The following NYAP2 variants were observed in gnomAD, a reference collection of about 807,000 sequenced individuals.
NYAP2 encodes neuronal tyrosine-phosphorylated phosphoinositide-3-kinase adapter 2.
In NYAP2, 23 loss-of-function variants were observed where a neutral mutation model predicts 50.4. The observed-to-expected ratio is 0.46, with a 90% CI of 0.33 to 0.65. NYAP2 has a LOEUF of 0.65. Among genes scored for constraint, NYAP2 ranks in the 30% least tolerant of loss-of-function variants. The pLI is 0.02. For missense variants in NYAP2, 885 were observed against 861.0 expected (o/e 1.03, Z -0.35); for synonymous variants, 394 against 365.2 (o/e 1.08, Z -0.90).
At chr2:225,650,621 T>A (rs1206177225) in intron 6 of NYAP2, among the ~76,000 whole-genome samples, 1 of 152,260 alleles carries the variant, frequency 6.6e-6, no homozygotes. Context: ...GAAGCTGGAA[T>A]GTACTAGGCA....
the NYAP2 span, among the ~76,000 whole-genome samples, chr2:225,696,315 G>C: frequency 1.3e-5 from 2 of 151,836 alleles, no homozygotes; most frequent in African/African-American, 2.4e-5. Context: ...ATATAAAACA[G>C]AGCTCTTTGA....
chr2:225,640,571 G>C (rs553761880), intron 6 of NYAP2, among the ~76,000 whole-genome samples: 17 of 152,040 alleles, frequency 1.1e-4, no homozygotes, highest in Non-Finnish European at 1.8e-4. Context: ...GTGAAATTTC[G>C]TCAAACCCTT....
chr2:225,654,485 C>G (rs1275986640), downstream of NYAP2, among the ~76,000 whole-genome samples: 1 of 151,936 alleles, frequency 6.6e-6, no homozygotes, highest in Non-Finnish European at 1.5e-5. Flanking sequence ...GAGTTTGAGA[C>G]CAGCCTGGCC....
intron 3 of NYAP2, among the ~76,000 whole-genome samples, chr2:225,481,203 A>T (rs1235762487): frequency 6.6e-6 from 1 of 152,120 alleles, no homozygotes; most frequent in African/African-American, 2.4e-5. Context: ...ATAATTCATC[A>T]TCTCTCAAGA....
intron 3 of NYAP2, among the ~76,000 whole-genome samples, chr2:225,481,522 T>C (rs1026730770): frequency 6.6e-6 from 1 of 152,142 alleles, no homozygotes; most frequent in African/African-American, 2.4e-5. Flanking sequence ...ATTTAATTGA[T>C]CATGAACAAC....
At chr2:225,470,829 A>G (rs79867969) in intron 3 of NYAP2, among the ~76,000 whole-genome samples, 3 of 140,604 alleles carry the variant, frequency 2.1e-5, no homozygotes, top group African/African-American at 9.0e-5. Flanking sequence ...GTGTGTGTAT[A>G]TATATTGAGA....
intron 5 of NYAP2, among the ~76,000 whole-genome samples, chr2:225,620,616 A>G (rs765267606): frequency 1.3e-5 from 2 of 152,244 alleles, no homozygotes; most frequent in African/African-American, 2.4e-5. Flanking sequence ...ACATTAAGGT[A>G]TACAGGCACA....
chr2:225,539,928 G>C (rs1055661319), intron 4 of NYAP2, among the ~76,000 whole-genome samples: 3 of 152,122 alleles, frequency 2.0e-5, no homozygotes, highest in Non-Finnish European at 4.4e-5. Context: ...TCTTCTGCCA[G>C]ATACCCTTAA....
At chr2:225,438,076 G>A (rs1277681830) in intron 3 of NYAP2, among the ~76,000 whole-genome samples, 1 of 152,024 alleles carries the variant, frequency 6.6e-6, no homozygotes, top group Non-Finnish European at 1.5e-5. Flanking sequence ...GAACATGATT[G>A]TTTTCCTGTT....
At position 225,582,202 on chromosome 2, in the gene NYAP2, A is replaced by G; in HGVS notation, c.785A>G (p.Asp262Gly). ...AGAGACTTCAGGAAGGAGGACGATG[A>G]CCAGAGCGAGGCCGTCTACGAGGAA... Residue 262 changes from aspartate (D) to glycine (G), a missense_variant, in exon 5 of 7, where the codon GAC (aspartate) becomes GGC (glycine). Transcript: ENST00000636099. This position sits in a 1 kb window ranked among gnomAD's most constrained non-coding sequence, Gnocchi z 7.0. The G allele has an allele frequency of 6.2e-7, 1 of 1,614,020 alleles. No homozygotes were observed. The highest frequency in any genetic ancestry group is 8.5e-7 in the Non-Finnish European group (1 of 1,179,898).
At chr2:225,691,633 G>C in the NYAP2 span, among the ~76,000 whole-genome samples, 1 of 152,090 alleles carries the variant, frequency 6.6e-6, no homozygotes, top group Non-Finnish European at 1.5e-5. Context: ...TTTTCAATGA[G>C]AGCAATAACA....
the NYAP2 span, among the ~76,000 whole-genome samples, chr2:225,666,263 A>G: frequency 1.3e-5 from 2 of 152,172 alleles, no homozygotes; most frequent in Non-Finnish European, 2.9e-5. Flanking sequence ...ACTGACATAT[A>G]TCACTGTCAT....
intron 6 of NYAP2, among the ~76,000 whole-genome samples, chr2:225,647,383 T>A (rs1693652511): frequency 6.6e-6 from 1 of 152,216 alleles, no homozygotes. Flanking sequence ...TGTCATCATA[T>A]GATACACTTG....
Position 225,512,843 on chromosome 2 carries a change from T to C in NYAP2, c.222-528T>C, listed in dbSNP as rs982963346. On this transcript the variant is annotated intron_variant, in intron 3 of 6. Transcript: ENST00000636099. ...TTTCTCTCTCTCTCTCTCTCTTTCT[T>C]TCTTTCTTTCTTCCTTCCTTCCTTC... Among the ~76,000 whole-genome samples, 7 of 118,784 alleles carry C rather than the reference T, an allele frequency of 5.9e-5. No individual in the cohort carries two copies. The East Asian group carries it at 8.4e-4, about 14-fold the overall frequency. The allele number at this position is 118,784 out of a possible 152,430, so 77.9% of individuals were successfully genotyped here. A position where few individuals can be genotyped will look rare whatever the true frequency, so the allele number is the denominator to read the frequency against.
chr2:225,643,581 C>T (rs1470122045), intron 6 of NYAP2, among the ~76,000 whole-genome samples: 3 of 151,008 alleles, frequency 2.0e-5, no homozygotes, highest in Non-Finnish European at 3.0e-5. Context: ...TCTCCCAATG[C>T]TATCCCTCCC....
At chr2:225,487,487 G>A (rs1472820534) in intron 3 of NYAP2, among the ~76,000 whole-genome samples, 2 of 151,982 alleles carry the variant, frequency 1.3e-5, no homozygotes, top group African/African-American at 4.8e-5. Context: ...AGCCTTGCGA[G>A]TAACTTGGAT....
chr2:225,615,315 G>A (rs1559230538), intron 5 of NYAP2, among the ~76,000 whole-genome samples: 1 of 152,068 alleles, frequency 6.6e-6, no homozygotes, highest in Admixed American at 6.5e-5. Flanking sequence ...TGCAATACTA[G>A]AATTTCTCAA....
At chr2:225,536,073 T>C (rs1037376140) in intron 4 of NYAP2, among the ~76,000 whole-genome samples, 2 of 152,198 alleles carry the variant, frequency 1.3e-5, no homozygotes, top group East Asian at 3.9e-4. Context: ...ATTATAAACA[T>C]AGCAGCCATA....
chr2:225,456,773 A>G (rs920109942), intron 3 of NYAP2, among the ~76,000 whole-genome samples: 1 of 152,006 alleles, frequency 6.6e-6, no homozygotes, highest in African/African-American at 2.4e-5. Flanking sequence ...GTTCCCATAT[A>G]TCTTCCTGCA....
Sources: gnomAD v4.1 joint callset for allele counts (sites outside exome capture counted in the v4.1 genomes callset) on GRCh38, gnomAD v4.1.1 for gene constraint, Gnocchi (gnomAD v3.1) non-coding constraint, MANE v1.5 for transcripts, NCBI Gene and HGNC (gene_info 2026-07-23, HGNC 2026-07-21) for gene names.